The following NAA60 variants were observed in gnomAD, a reference collection of about 807,000 sequenced individuals.
NAA60 encodes N-alpha-acetyltransferase 60.
NAA60 carries 8 observed loss-of-function variants against 26.1 expected under a neutral mutation model. The observed-to-expected ratio is 0.31, with a 90% CI of 0.18 to 0.55. The LOEUF is 0.55. NAA60 is among the 20% of genes least tolerant of loss of function. The pLI is 0.93. For synonymous variants in NAA60, 131 were observed against 122.5 expected (o/e 1.07, Z -0.46); for missense variants, 290 against 311.3 (o/e 0.93, Z 0.51).
intron 2 of NAA60, among the ~76,000 whole-genome samples, chr16:3,471,871 C>T (rs893701728): frequency 6.6e-6 from 1 of 152,152 alleles, no homozygotes. Context: ...GTGCTGGGGC[C>T]CTTGTGTCAG....
intron 4 of NAA60, among the ~76,000 whole-genome samples, chr16:3,481,253 C>G (rs1039324611): frequency 6.6e-6 from 1 of 152,108 alleles, no homozygotes; most frequent in African/African-American, 2.4e-5. Context: ...CCACACCAAG[C>G]TAATTTTTGT....
Position 3,485,773 on chromosome 16 carries a change from A to G in NAA60, c.*513A>G, listed in dbSNP as rs1430037437. The stretch of plus-strand genomic sequence containing the variant: ...CCCGTCCCCTTCCAGAACCAGCCCA[A>G]AGAAGCCTGGGGGGTGAGGAGTGGC... On this transcript the variant is annotated 3_prime_UTR_variant, in exon 8 of 8. Coordinates refer to ENST00000407558, the MANE Select transcript of NAA60 (RefSeq NM_001083601.3). 5 of 429,926 alleles carry G rather than the reference A, an allele frequency of 1.2e-5. No homozygotes were observed. Among genetic ancestry groups the G allele is most frequent in the African/African-American group, 1.0e-4 (5 of 49,358 alleles). 26.6% of individuals were successfully genotyped at this position (429,926 alleles called of 1,614,324 possible). A position where few individuals can be genotyped will look rare whatever the true frequency, so the allele number is the denominator to read the frequency against.
At chr16:3,471,087 C>A (rs2036109701) in intron 2 of NAA60, among the ~76,000 whole-genome samples, 1 of 152,164 alleles carries the variant, frequency 6.6e-6, no homozygotes, top group South Asian at 2.1e-4. Flanking sequence ...GAAATTCACA[C>A]TGGAAACAAA....
intron 2 of NAA60, among the ~76,000 whole-genome samples, chr16:3,451,332 G>C (rs1265255639): frequency 1.3e-5 from 2 of 152,186 alleles, no homozygotes; most frequent in African/African-American, 2.4e-5. Context: ...GAGTTAGCTG[G>C]AGAACTTGGG....
chr16:3,485,006 A>C lies in NAA60; in HGVS notation c.*151A>C. The C allele has an allele frequency of 6.6e-7, 1 of 1,524,864 alleles. No individual in the cohort carries two copies. Among genetic ancestry groups the C allele is most frequent in the Non-Finnish European group, 8.8e-7 (1 of 1,138,334 alleles). The allele number at this position is 1,524,864 out of a possible 1,614,324, so 94.5% of individuals were successfully genotyped here. Reference sequence around the variant, plus strand: ...GCCCCAGCTGCAGGCCCGGTGCTACACGGGCTCGGGAACAGAACATCGTGG... The same window carrying C: ...GCCCCAGCTGCAGGCCCGGTGCTACCCGGGCTCGGGAACAGAACATCGTGG... On this transcript the variant is annotated 3_prime_UTR_variant, in exon 7 of 8. Coordinates refer to ENST00000407558, the MANE Select transcript of NAA60 (RefSeq NM_001083601.3).
At chr16:3,458,033 C>A (rs2035092752) in intron 2 of NAA60, 1 of 985,238 alleles carries the variant, frequency 1.0e-6, no homozygotes, top group African/African-American at 1.7e-5. Flanking sequence ...GGCGGAAGTG[C>A]CGCGGGCTGC....
chr16:3,465,322 A>G (rs2035680648), intron 2 of NAA60, among the ~76,000 whole-genome samples: 1 of 151,778 alleles, frequency 6.6e-6, no homozygotes, highest in African/African-American at 2.4e-5. Context: ...CAAGAGAGGC[A>G]GCCACGGGGT....
chr16:3,445,901 A>G (rs1324238727), intron 1 of NAA60, among the ~76,000 whole-genome samples: 1 of 152,236 alleles, frequency 6.6e-6, no homozygotes, highest in Non-Finnish European at 1.5e-5. Flanking sequence ...CTTCCTGAAA[A>G]TAAAGAGATG....
chr16:3,469,514 CGCACAGCACTGCCCTGGT>C (rs2035989044), intron 2 of NAA60, among the ~76,000 whole-genome samples: 1 of 127,046 alleles, frequency 7.9e-6, no homozygotes, highest in Non-Finnish European at 1.9e-5. Context: ...CTTGCTGCTC[CGCACAGCACTGCCCTGGT>C]ACCCATCCTG....
rs200451374 is a variant in NAA60 at position 3,484,712 on chromosome 16, C to T, written c.586C>T (p.His196Tyr). 8.8e-6 allele frequency: 14 copies of T among 1,593,380 alleles called. No homozygotes were observed. In the Admixed American group the frequency reaches 1.7e-4, roughly 20 times the overall value. The part of the protein sequence containing the change: ...PPWTILDYIQ[H>Y]LGSALASLSP... Reference sequence around the variant, plus strand: ...ACAGAGCCCCACGGACTACATCCAGCACCTGGGCTCTGCACTAGCCAGCCT... The same window carrying T: ...ACAGAGCCCCACGGACTACATCCAGTACCTGGGCTCTGCACTAGCCAGCCT... Residue 196 changes from histidine to tyrosine, a missense_variant, in exon 7 of 8, where the codon CAC (histidine) becomes TAC (tyrosine). Physicochemically the swap from His to Tyr is moderately conservative, Grantham distance 83 (BLOSUM62 2). Transcript: ENST00000407558.
intron 5 of NAA60, chr16:3,482,819 C>T (rs905592820): frequency 1.7e-6 from 1 of 588,770 alleles, no homozygotes; most frequent in African/African-American, 1.9e-5. Flanking sequence ...TTCCACATGC[C>T]CCCAGGCCTT....
chr16:3,480,561 C>T (rs1251038135), intron 4 of NAA60, among the ~76,000 whole-genome samples: 3 of 150,806 alleles, frequency 2.0e-5, no homozygotes, highest in East Asian at 3.9e-4. Context: ...CGTGCCATTG[C>T]ACTCCAGCCC....
chr16:3,456,841 G>C (rs149324289), intron 2 of NAA60: 13,378 of 152,158 alleles, frequency 0.088, 833 homozygotes, highest in South Asian at 0.17. Context: ...GCAGGCTGGA[G>C]TGCAGTGGCG....
At chr16:3,476,432 C>A (rs974880607) in intron 3 of NAA60, 95 bp downstream of exon 3, 2 of 1,026,026 alleles carry the variant, frequency 1.9e-6, no homozygotes, top group Admixed American at 2.4e-5. Context: ...CCCTTAGGAC[C>A]GTGCTGCAAA....
chr16:3,468,187 A>G (rs1432497624), intron 2 of NAA60: 16 of 152,222 alleles, frequency 1.1e-4, no homozygotes, highest in Non-Finnish European at 1.5e-5. Flanking sequence ...GCACTCCTAT[A>G]TAAATGAAGA....
At position 3,485,024 on chromosome 16, in the gene NAA60, C is replaced by A; in HGVS notation, c.*169C>A. 2 of 1,518,420 alleles carry A rather than the reference C, an allele frequency of 1.3e-6. No homozygotes were observed. The highest frequency in any genetic ancestry group is 1.8e-6 in the Non-Finnish European group (2 of 1,133,864). 94.1% of individuals were successfully genotyped at this position (1,518,420 alleles called of 1,614,324 possible). A position where few individuals can be genotyped will look rare whatever the true frequency, so the allele number is the denominator to read the frequency against. ...GTGCTACACGGGCTCGGGAACAGAA[C>A]ATCGTGGGCATGCGCAGAGCATGCC... On this transcript the variant is annotated 3_prime_UTR_variant, in exon 7 of 8. Coordinates refer to ENST00000407558, the MANE Select transcript of NAA60 (RefSeq NM_001083601.3).
intron 2 of NAA60, among the ~76,000 whole-genome samples, chr16:3,451,285 T>C (rs2034772681): frequency 1.3e-5 from 2 of 152,210 alleles, no homozygotes; most frequent in African/African-American, 4.8e-5. Flanking sequence ...TCCATGTAAA[T>C]AATATCTCTG....
chr16:3,458,600 G>C (rs8059920), intron 2 of NAA60, among the ~76,000 whole-genome samples: 10,186 of 152,254 alleles, frequency 0.067, 445 homozygotes, highest in South Asian at 0.17. Flanking sequence ...CCTTCGCCCC[G>C]CTCTCGCCTG....
intron 2 of NAA60, among the ~76,000 whole-genome samples, chr16:3,463,703 TA>T (rs200567821): frequency 0.31 from 44,443 of 144,162 alleles, 6,970 homozygotes; most frequent in East Asian, 0.56. Context: ...AGTCTCTACT[TA>T]AAAAAAAAAA....
Sources: allele counts gnomAD v4.1 joint callset (sites outside exome capture counted in the v4.1 genomes callset), GRCh38; gene constraint gnomAD v4.1.1; transcripts MANE v1.5; gene names NCBI Gene and HGNC (gene_info 2026-07-23, HGNC 2026-07-21).